MTMR3: variants seen among roughly 807,000 people sequenced by gnomAD.
MTMR3 encodes the protein phosphatidylinositol-3,5-bisphosphate 3-phosphatase MTMR3.
Under a neutral mutation model 132.4 loss-of-function variants are expected in MTMR3, and 32 were observed. That is an observed-to-expected ratio of 0.24 (90% CI 0.18 to 0.32). MTMR3 has a LOEUF of 0.32. Ranked by LOEUF, MTMR3 falls within the 10% of genes least tolerant of loss-of-function variation. The probability of loss-of-function intolerance (pLI) is 1.00; values close to 1 mark genes in which losing one functional copy is unlikely to be tolerated. For missense variants in MTMR3, 1,216 were observed against 1,489.6 expected (o/e 0.82, Z 3.02); for synonymous variants, 556 against 550.3 (o/e 1.01, Z -0.14).
intron 3 of MTMR3, among the ~76,000 whole-genome samples, chr22:29,974,752 T>C (rs2066598787): frequency 6.6e-6 from 1 of 152,294 alleles, no homozygotes; most frequent in South Asian, 2.1e-4. Flanking sequence ...AGATTAATAA[T>C]GGGTACCTCT....
intron 18 of MTMR3, 64 bp from the exon 19 acceptor site, chr22:30,022,545 G>T: frequency 1.4e-6 from 2 of 1,422,886 alleles, no homozygotes; most frequent in Admixed American, 1.7e-5. Context: ...CCCCAGCATG[G>T]CTCTGCTGGC....
intron 5 of MTMR3, chr22:29,983,851 G>T (rs2066803668): frequency 6.6e-6 from 1 of 151,866 alleles, no homozygotes; most frequent in Non-Finnish European, 1.5e-5. Context: ...GCCCAGGTTG[G>T]TCTCAAAACT....
chr22:29,891,390 AATATATATGTGTATATATAACAT>A (rs2064797131), intron 1 of MTMR3, among the ~76,000 whole-genome samples: 1 of 146,972 alleles, frequency 6.8e-6, no homozygotes, highest in African/African-American at 2.5e-5. Context: ...CATAATATAT[AATATATATGTGTATATATAACAT>A]ATATATATGT....
At chr22:29,890,467 G>A (rs2064774613) in intron 1 of MTMR3, among the ~76,000 whole-genome samples, 1 of 151,910 alleles carries the variant, frequency 6.6e-6, no homozygotes, top group Non-Finnish European at 1.5e-5. Context: ...GCAGTGAGCC[G>A]AGATTAAGCT....
chr22:30,007,430 G>A, intron 10 of MTMR3, 111 bp downstream of exon 10: 1 of 1,065,040 alleles, frequency 9.4e-7, no homozygotes, highest in Non-Finnish European at 1.4e-6. Context: ...AAGTGAATGT[G>A]CAGAGCTTCA....
intron 1 of MTMR3, among the ~76,000 whole-genome samples, chr22:29,897,682 T>C (rs1309179357): frequency 6.6e-6 from 1 of 152,026 alleles, no homozygotes; most frequent in Non-Finnish European, 1.5e-5. Flanking sequence ...TGAACTGGCC[T>C]CAAGTGATCT....
chr22:29,949,269 C>T (rs1186674488), intron 1 of MTMR3, among the ~76,000 whole-genome samples: 1 of 151,396 alleles, frequency 6.6e-6, no homozygotes, highest in East Asian at 2.0e-4. Flanking sequence ...GGGCAGATCA[C>T]CTGAGGTCAG....
intron 1 of MTMR3, among the ~76,000 whole-genome samples, chr22:29,889,962 G>A (rs1253762754): frequency 6.8e-6 from 1 of 147,262 alleles, no homozygotes; most frequent in Admixed American, 6.9e-5. Context: ...GCTGGAGTGC[G>A]GTGGTGCGAT....
chr22:29,915,389 T>A (rs2065288813), intron 1 of MTMR3, among the ~76,000 whole-genome samples: 1 of 152,210 alleles, frequency 6.6e-6, no homozygotes, highest in South Asian at 2.1e-4. Context: ...TAGGTCTCGC[T>A]TTTTTATTTA....
At chr22:29,985,905 C>T (rs1004313710) in intron 5 of MTMR3, 2 of 152,184 alleles carry the variant, frequency 1.3e-5, no homozygotes, top group African/African-American at 2.4e-5. Context: ...AATTTGGGCA[C>T]GGGCCATTGG....
chr22:29,982,963 GTGTGTGTGTGTGTA>G lies in MTMR3; in HGVS notation c.210+3917_210+3930del, dbSNP rs1239359433. 10 of 151,674 alleles carry G rather than the reference GTGTGTGTGTGTGTA, an allele frequency of 6.6e-5. 1 individual carries two copies. The South Asian group carries it at 1.9e-3, about 28-fold the overall frequency. 9.4% of individuals were successfully genotyped at this position (151,674 alleles called of 1,614,324 possible). A position where few individuals can be genotyped will look rare whatever the true frequency, so the allele number is the denominator to read the frequency against. On this transcript the variant is annotated intron_variant, in intron 5 of 19. Transcript: ENST00000401950. The stretch of plus-strand genomic sequence containing the variant: ...TGTGTGTGTGTGTGTGTGTGTGTGT[GTGTGTGTGTGTGTA>G]TGTGTTTGTAATTTAATAGACTGCT...
intron 1 of MTMR3, among the ~76,000 whole-genome samples, chr22:29,912,885 T>C (rs2065241128): frequency 1.3e-5 from 2 of 152,232 alleles, no homozygotes; most frequent in South Asian, 4.1e-4. Context: ...GGCTTGCCTA[T>C]GTAAATTGAA....
intron 2 of MTMR3, among the ~76,000 whole-genome samples, chr22:29,960,042 C>A (rs1292093533): frequency 1.3e-5 from 2 of 151,586 alleles, no homozygotes; most frequent in East Asian, 3.9e-4. Context: ...GTTGGTCTTA[C>A]AGGTGTGAGC....
At chr22:29,991,161 C>G (rs1271757398) in intron 6 of MTMR3, 3 of 163,784 alleles carry the variant, frequency 1.8e-5, no homozygotes, top group Non-Finnish European at 3.9e-5. Flanking sequence ...GAGGGACAAC[C>G]ATAAAACTTC....
At chr22:29,956,327 ACCT>A (rs1209274635) in intron 1 of MTMR3, among the ~76,000 whole-genome samples, 1 of 151,298 alleles carries the variant, frequency 6.6e-6, no homozygotes, top group African/African-American at 2.4e-5. Context: ...GCTCACTGAA[ACCT>A]CCACGTCTCG....
intron 1 of MTMR3, among the ~76,000 whole-genome samples, chr22:29,903,615 A>T (rs904963349): frequency 1.3e-5 from 2 of 151,612 alleles, no homozygotes; most frequent in Non-Finnish European, 2.9e-5. Flanking sequence ...CCCATCTTGA[A>T]TTCCTGGGCT....
At chr22:29,920,325 G>A (rs1444746731) in intron 1 of MTMR3, among the ~76,000 whole-genome samples, 1 of 151,958 alleles carries the variant, frequency 6.6e-6, no homozygotes, top group Non-Finnish European at 1.5e-5. Context: ...TTAGACCACT[G>A]TATATTATGC....
chr22:29,946,353 C>G lies in MTMR3; in HGVS notation c.-137-10683C>G, dbSNP rs547232928. On this transcript the variant is annotated intron_variant, in intron 1 of 19. Coordinates refer to ENST00000401950, the MANE Select transcript of MTMR3 (RefSeq NM_021090.4). ...GCTAGATTGACAACCTAGAGGAGATCTGGTAATCTGTGGTCATGTGCTAGC... is the reference window on the plus strand; with the variant it reads ...GCTAGATTGACAACCTAGAGGAGATGTGGTAATCTGTGGTCATGTGCTAGC... Among the ~76,000 whole-genome samples the G allele has an allele frequency of 2.6e-4, 39 of 152,188 alleles. No homozygotes were observed. The South Asian group carries it at 7.9e-3, about 31-fold the overall frequency.
chr22:29,906,277 T>TA (rs2065097227), intron 1 of MTMR3, among the ~76,000 whole-genome samples: 1 of 76,030 alleles, frequency 1.3e-5, no homozygotes, highest in African/African-American at 5.8e-5. Context: ...TCTGTCTGTC[T>TA]GTCTGTCTGT....
Sources: gnomAD v4.1 joint callset for allele counts (sites outside exome capture counted in the v4.1 genomes callset) on GRCh38, gnomAD v4.1.1 for gene constraint, MANE v1.5 for transcripts, NCBI Gene and HGNC (gene_info 2026-07-23, HGNC 2026-07-21) for gene names.